Variants in GNA12 observed in about 807,000 individuals in gnomAD.
GNA12 encodes the protein G protein subunit alpha 12.
A neutral mutation model predicts 26.0 loss-of-function variants in GNA12; 9 were observed. The observed-to-expected ratio is 0.35, with a 90% CI of 0.21 to 0.60. GNA12 has a LOEUF of 0.60. GNA12 is among the 20% of genes least tolerant of loss of function. The probability of loss-of-function intolerance (pLI) is 0.78; values close to 1 mark genes in which losing one functional copy is unlikely to be tolerated. For synonymous variants in GNA12, 264 were observed against 219.6 expected (o/e 1.20, Z -1.79); for missense variants, 405 against 525.8 (o/e 0.77, Z 2.25).
At chr7:2,822,679 G>A (rs1388201552) in intron 1 of GNA12, among the ~76,000 whole-genome samples, 1 of 152,228 alleles carries the variant, frequency 6.6e-6, no homozygotes, top group Non-Finnish European at 1.5e-5. Context: ...AGGCGTGGTG[G>A]TGCGTGCCTG....
At chr7:2,841,318 T>A (rs1024128393) in intron 1 of GNA12, among the ~76,000 whole-genome samples, 1 of 152,182 alleles carries the variant, frequency 6.6e-6, no homozygotes, top group Non-Finnish European at 1.5e-5. Context: ...AGATTTCAGA[T>A]TCTATGTTTC....
chr7:2,831,360 G>C (rs928400908), intron 1 of GNA12, among the ~76,000 whole-genome samples: 1 of 150,572 alleles, frequency 6.6e-6, no homozygotes, highest in Non-Finnish European at 1.5e-5. Context: ...GGGAAAAACA[G>C]TTCCTCTCCC....
chr7:2,770,151 C>A (rs1791912337), intron 2 of GNA12, among the ~76,000 whole-genome samples: 1 of 152,084 alleles, frequency 6.6e-6, no homozygotes, highest in Non-Finnish European at 1.5e-5. Context: ...ATAAACAAAC[C>A]TACAATGTAT....
At chr7:2,812,532 G>C (rs746727469) in intron 1 of GNA12, among the ~76,000 whole-genome samples, 7 of 152,214 alleles carry the variant, frequency 4.6e-5, no homozygotes, top group Non-Finnish European at 8.8e-5. Context: ...AGGAGGCTGA[G>C]GTGGGAGAAT....
intron 1 of GNA12, among the ~76,000 whole-genome samples, chr7:2,832,390 G>A (rs1442337914): frequency 1.3e-5 from 2 of 152,172 alleles, no homozygotes; most frequent in Non-Finnish European, 2.9e-5. Flanking sequence ...CGTGGACCCC[G>A]CATCTAGCCT....
chr7:2,778,379 GC>G (rs1325322310), intron 2 of GNA12, among the ~76,000 whole-genome samples: 3 of 152,184 alleles, frequency 2.0e-5, no homozygotes, highest in African/African-American at 4.8e-5. Context: ...GATTGCATCA[GC>G]CCATCTGTGC....
At chr7:2,812,916 T>C (rs534901846) in intron 1 of GNA12, among the ~76,000 whole-genome samples, 1 of 152,268 alleles carries the variant, frequency 6.6e-6, no homozygotes, top group East Asian at 1.9e-4. Flanking sequence ...ATCAAAAGAA[T>C]CCAGTGACCT....
At chr7:2,744,589 G>A (rs1481810368) in intron 2 of GNA12, among the ~76,000 whole-genome samples, 1 of 152,146 alleles carries the variant, frequency 6.6e-6, no homozygotes, top group Admixed American at 6.5e-5. Flanking sequence ...CAGAAAAACT[G>A]GAAACTCTAA....
intron 2 of GNA12, among the ~76,000 whole-genome samples, chr7:2,759,491 C>T (rs900496700): frequency 3.9e-5 from 6 of 152,138 alleles, no homozygotes; most frequent in Admixed American, 3.3e-4. Flanking sequence ...TAAGTTACTA[C>T]TGTTTAGGAA....
At chr7:2,784,463 C>T (rs1022394810) in intron 2 of GNA12, among the ~76,000 whole-genome samples, 1 of 152,152 alleles carries the variant, frequency 6.6e-6, no homozygotes, top group Non-Finnish European at 1.5e-5. Context: ...ATTCCTGGGA[C>T]GATGAATTAC....
Position 2,840,107 on chromosome 7 carries a change from C to T in GNA12, c.309+3746G>A, listed in dbSNP as rs572066733. 1.1e-3 allele frequency among the ~76,000 whole-genome samples: 164 copies of T among 152,220 alleles called. 1 individual carries two copies. The highest frequency in any genetic ancestry group is 1.4e-3 in the Non-Finnish European group (98 of 68,020). ...CTTCTCTGATGGAAAGGCTCTGTAT[C>T]GTGACTGTATCGACGTCAATATCCT... On this transcript the variant is annotated intron_variant, in intron 1 of 3. Coordinates refer to ENST00000275364, the MANE Select transcript of GNA12 (RefSeq NM_007353.3).
In GNA12 at chr7:2,817,156, A is replaced by G. The variant is rs528692196; in HGVS notation, c.310-22013T>C. Among the ~76,000 whole-genome samples, 293 of 152,364 alleles carry G rather than the reference A, an allele frequency of 1.9e-3. 2 individuals are homozygous for G. Among genetic ancestry groups the G allele is most frequent in the African/African-American group, 6.4e-3 (267 of 41,582 alleles). On this transcript the variant is annotated intron_variant, in intron 1 of 3. Transcript: ENST00000275364. Reference sequence around the variant, plus strand: ...AGTCTCGCTCTATTGCCCAGGCTGTAGCGCAATGGCGCGACCTCGGCTCAC... The same window carrying G: ...AGTCTCGCTCTATTGCCCAGGCTGTGGCGCAATGGCGCGACCTCGGCTCAC...
rs1483323746 is a variant in GNA12 at position 2,729,764 on chromosome 7, T to C, written c.*1417A>G. ...ACGCTTTTCATTTTCTTGTAAATGC[T>C]AGGACACATCCCAAAACACACTAGG... On this transcript the variant is annotated 3_prime_UTR_variant, in exon 4 of 4. Coordinates refer to ENST00000275364, the MANE Select transcript of GNA12 (RefSeq NM_007353.3). 1 of 152,408 alleles carries C rather than the reference T, an allele frequency of 6.6e-6. No homozygotes were observed. The highest frequency in any genetic ancestry group is 1.5e-5 in the Non-Finnish European group (1 of 68,078). The allele number at this position is 152,408 out of a possible 1,614,324, so 9.4% of individuals were successfully genotyped here.
rs1168509697 is a variant in GNA12 at position 2,733,837 on chromosome 7, G to A, written c.526-336C>T. On this transcript the variant is annotated intron_variant, in intron 2 of 3. Transcript: ENST00000275364. Reference sequence around the variant, plus strand: ...AAGGCTGGCCCACTCCTGGCCATGCGGCCAGCAAAGGACAGGCTAGAATAG... The same window carrying A: ...AAGGCTGGCCCACTCCTGGCCATGCAGCCAGCAAAGGACAGGCTAGAATAG... 2.0e-5 allele frequency among the ~76,000 whole-genome samples: 3 copies of A among 152,306 alleles called. No homozygotes were observed. The East Asian group carries it at 5.8e-4, about 29-fold the overall frequency.
intron 2 of GNA12, among the ~76,000 whole-genome samples, chr7:2,769,052 C>T (rs1791884227): frequency 6.6e-6 from 1 of 152,102 alleles, no homozygotes; most frequent in African/African-American, 2.4e-5. Context: ...TACAGGTGTG[C>T]ACCACCACAC....
chr7:2,781,053 T>C (rs2115435520), intron 2 of GNA12, among the ~76,000 whole-genome samples: 1 of 152,336 alleles, frequency 6.6e-6, no homozygotes, highest in African/African-American at 2.4e-5. Context: ...AATCTGTGAG[T>C]ATATCATAAT....
intron 2 of GNA12, among the ~76,000 whole-genome samples, chr7:2,784,036 G>A (rs1485911131): frequency 6.6e-6 from 1 of 151,970 alleles, no homozygotes; most frequent in Non-Finnish European, 1.5e-5. Flanking sequence ...ATTTTCAGCA[G>A]GTCTTTAGAT....
intron 1 of GNA12, among the ~76,000 whole-genome samples, chr7:2,805,750 G>C (rs1012413484): frequency 1.3e-5 from 2 of 152,148 alleles, no homozygotes; most frequent in Non-Finnish European, 2.9e-5. Flanking sequence ...GTTAAGCCTG[G>C]CTACATTAGA....
At chr7:2,841,537 A>C (rs887306485) in intron 1 of GNA12, among the ~76,000 whole-genome samples, 2 of 152,242 alleles carry the variant, frequency 1.3e-5, no homozygotes, top group Non-Finnish European at 2.9e-5. Flanking sequence ...TAGTCTTCAA[A>C]GTTCACGAAG....
Sources: gnomAD v4.1 joint callset for allele counts (sites outside exome capture counted in the v4.1 genomes callset) on GRCh38, gnomAD v4.1.1 for gene constraint, MANE v1.5 for transcripts, NCBI Gene and HGNC (gene_info 2026-07-23, HGNC 2026-07-21) for gene names.